CYS1: variants seen among roughly 807,000 people sequenced by gnomAD.
The protein encoded by CYS1 is cystin-1.
CYS1 carries 5 observed loss-of-function variants against 9.6 expected under a neutral mutation model. The observed-to-expected ratio is 0.52, with a 90% CI of 0.27 to 1.10. CYS1 has a LOEUF of 1.10. Among genes scored for constraint, CYS1 ranks in the 50% least tolerant of loss-of-function variants. The pLI is 0.11. For missense variants in CYS1, 221 were observed against 207.9 expected, an observed-to-expected ratio of 1.06 and a Z score of -0.39; for synonymous variants, 88 against 95.7, an observed-to-expected ratio of 0.92 and a Z score of 0.47.
rs1014668281 is a variant in CYS1 at position 10,076,487 on chromosome 2, T to G, written c.318+3419A>C. 3.9e-5 allele frequency among the ~76,000 whole-genome samples: 6 copies of G among 152,106 alleles called. No homozygotes were observed. The highest frequency in any genetic ancestry group is 1.4e-4 in the African/African-American group (6 of 41,408). On this transcript the variant is annotated intron_variant, in intron 1 of 2. Coordinates refer to ENST00000381813, the MANE Select transcript of CYS1 (RefSeq NM_001037160.3). The surrounding 1 kb of genome is among the most constrained non-coding windows in gnomAD (Gnocchi z 4.3). ...GCCTCCCACCACTCTCTGACCCATC[T>G]CTCACCAAGGACCTTGAGACCTCCC...
At chr2:10,070,910 T>C (rs554565249) in intron 1 of CYS1, among the ~76,000 whole-genome samples, 1 of 152,242 alleles carries the variant, frequency 6.6e-6, no homozygotes, top group Non-Finnish European at 1.5e-5. Flanking sequence ...TCCTAAAAAG[T>C]GCTGGGATTA....
In CYS1 at chr2:10,057,119, CA is replaced by C. The variant is rs1661561353; in HGVS notation, c.*1733del. The C allele has an allele frequency of 6.6e-6, 1 of 152,222 alleles. No individual in the cohort carries two copies. Among genetic ancestry groups the C allele is most frequent in the African/African-American group, 2.4e-5 (1 of 41,470 alleles). The allele number at this position is 152,222 out of a possible 1,614,324, so 9.4% of individuals were successfully genotyped here. On this transcript the variant is annotated 3_prime_UTR_variant, in exon 3 of 3. Coordinates refer to ENST00000381813, the MANE Select transcript of CYS1 (RefSeq NM_001037160.3). ...AAAGCGTCCCATTTTAACAAAATGA[CA>C]TAAAATTACAAACATTTACATGTTT...
chr2:10,077,753 T>C (rs758882482), intron 1 of CYS1, among the ~76,000 whole-genome samples: 1 of 152,180 alleles, frequency 6.6e-6, no homozygotes, highest in Non-Finnish European at 1.5e-5. Flanking sequence ...AGGGCTCCCT[T>C]CCGCCTCGAA....
At chr2:10,069,514 G>T (rs1021862500) in intron 1 of CYS1, among the ~76,000 whole-genome samples, 2 of 151,932 alleles carry the variant, frequency 1.3e-5, no homozygotes, top group African/African-American at 2.4e-5. Flanking sequence ...GACCACAGGT[G>T]CGTGCCACCA....
chr2:10,060,985 C>T (rs1661619483), intron 2 of CYS1, among the ~76,000 whole-genome samples: 1 of 152,202 alleles, frequency 6.6e-6, no homozygotes, highest in African/African-American at 2.4e-5. Flanking sequence ...ATCCCCAGCA[C>T]TTTGGGAGGC....
chr2:10,077,722 G>C (rs565794990), intron 1 of CYS1, among the ~76,000 whole-genome samples: 1 of 152,256 alleles, frequency 6.6e-6, no homozygotes, highest in East Asian at 1.9e-4. Flanking sequence ...GGCGTTATCT[G>C]AAAATAATGA....
Position 10,079,956 on chromosome 2 carries a change from C to T in CYS1, c.268G>A (p.Ala90Thr), listed in dbSNP as rs2125293435. Reference protein sequence around the residue: ...ESAAWGPPEPAPRRPARLRPT... With the variant: ...ESAAWGPPEPTPRRPARLRPT... ...CGGAGCCGGGCTGGGCGGCGCGGGG[C>T]GGGCTCCGGGGGGCCCCAGGCCGCC... The change falls in exon 1 of 3, where the codon GCC becomes ACC. Residue 90 changes from alanine (A) to threonine (T), a missense_variant. Ala to Thr is a moderately conservative substitution (Grantham distance 58, BLOSUM62 0). Coordinates refer to ENST00000381813, the MANE Select transcript of CYS1 (RefSeq NM_001037160.3). The T allele has an allele frequency of 2.7e-6, 3 of 1,116,828 alleles. No individual in the cohort carries two copies. The highest frequency in any genetic ancestry group is 9.7e-5 in the East Asian group (2 of 20,618). The allele number at this position is 1,116,828 out of a possible 1,614,324, so 69.2% of individuals were successfully genotyped here.
intron 1 of CYS1, 148 bp downstream of exon 1, chr2:10,079,758 G>C: frequency 2.6e-6 from 1 of 387,226 alleles, no homozygotes; most frequent in Non-Finnish European, 3.7e-6. Context: ...GGGGGCCCAG[G>C]GGCGGGGAGG....
At chr2:10,069,600 C>T (rs1423711050) in intron 1 of CYS1, among the ~76,000 whole-genome samples, 1 of 152,122 alleles carries the variant, frequency 6.6e-6, no homozygotes, top group African/African-American at 2.4e-5. Context: ...ATCTCTTGAC[C>T]TCATGATCCA....
At chr2:10,079,388 GT>G (rs576221042) in intron 1 of CYS1, among the ~76,000 whole-genome samples, 1 of 152,202 alleles carries the variant, frequency 6.6e-6, no homozygotes, top group South Asian at 2.1e-4. Flanking sequence ...TTGTTTTATT[GT>G]TTTTTTAGAA....
chr2:10,059,550 A>G (rs922092323), intron 2 of CYS1, among the ~76,000 whole-genome samples: 10 of 152,106 alleles, frequency 6.6e-5, no homozygotes, highest in Non-Finnish European at 1.5e-4. Flanking sequence ...TACAAAAATT[A>G]TCCGGGTGGG....
intron 1 of CYS1, 83 bp downstream of exon 1, chr2:10,079,823 G>C (rs1220686492): frequency 1.0e-5 from 9 of 892,228 alleles, no homozygotes; most frequent in Middle Eastern, 4.8e-4. Flanking sequence ...CAGCGCGACC[G>C]GCGCCCAGGG....
At chr2:10,065,727 C>T (rs897685488) in intron 2 of CYS1, among the ~76,000 whole-genome samples, 177 bp downstream of exon 2, 2 of 152,242 alleles carry the variant, frequency 1.3e-5, no homozygotes, top group African/African-American at 4.8e-5. Flanking sequence ...TAGCCTTCTG[C>T]AATCTCCTTG....
chr2:10,073,243 C>T (rs1377641562), intron 1 of CYS1, among the ~76,000 whole-genome samples: 2 of 146,272 alleles, frequency 1.4e-5, no homozygotes, highest in Admixed American at 6.8e-5. Flanking sequence ...GGCTGCCAGT[C>T]CAGGGCCCGT....
In CYS1 at chr2:10,057,890, G is replaced by A. The variant is rs1457897892; in HGVS notation, c.*963C>T. The stretch of plus-strand genomic sequence containing the variant: ...GGTCAGTTTTCCCATCTGTCAACCA[G>A]GAACATTCCAAGGCTCTTCCTGCCT... On this transcript the variant is annotated 3_prime_UTR_variant, in exon 3 of 3. Transcript: ENST00000381813. 1 of 152,352 alleles carries A rather than the reference G, an allele frequency of 6.6e-6. No individual in the cohort carries two copies. Among genetic ancestry groups the A allele is most frequent in the Non-Finnish European group, 1.5e-5 (1 of 68,124 alleles). The allele number at this position is 152,352 out of a possible 1,614,324, so 9.4% of individuals were successfully genotyped here.
chr2:10,073,544 T>C (rs1180246705), intron 1 of CYS1, among the ~76,000 whole-genome samples: 44 of 152,172 alleles, frequency 2.9e-4, no homozygotes, highest in Admixed American at 2.9e-3. Flanking sequence ...TGTCTGGCCA[T>C]ATACTATCAA....
chr2:10,078,053 C>A (rs1661879961), intron 1 of CYS1, among the ~76,000 whole-genome samples: 1 of 151,668 alleles, frequency 6.6e-6, no homozygotes, highest in Non-Finnish European at 1.5e-5. Context: ...TTGCAGTGAG[C>A]CGGGATCACA....
intron 1 of CYS1, among the ~76,000 whole-genome samples, chr2:10,077,064 G>A (rs1661853933): frequency 6.6e-6 from 1 of 152,042 alleles, no homozygotes; most frequent in East Asian, 1.9e-4. Flanking sequence ...CAGCTGCTCT[G>A]GCCAAGAACT....
At chr2:10,067,299 T>A (rs1305020094) in intron 1 of CYS1, among the ~76,000 whole-genome samples, 1 of 152,180 alleles carries the variant, frequency 6.6e-6, no homozygotes, top group Non-Finnish European at 1.5e-5. Context: ...ATTACAGGCG[T>A]GAGCCACTGT....
Sources: gnomAD v4.1 joint callset for allele counts (sites outside exome capture counted in the v4.1 genomes callset) on GRCh38, gnomAD v4.1.1 for gene constraint, Gnocchi (gnomAD v3.1) non-coding constraint, MANE v1.5 for transcripts, NCBI Gene and HGNC (gene_info 2026-07-23, HGNC 2026-07-21) for gene names.